Variants in PTPRD observed in about 807,000 individuals in gnomAD.
PTPRD encodes protein tyrosine phosphatase receptor type D.
Under a neutral mutation model 214.5 loss-of-function variants are expected in PTPRD, and 34 were observed. That is an observed-to-expected ratio of 0.16 (90% CI 0.12 to 0.21). PTPRD has a LOEUF of 0.21. Among genes scored for constraint, PTPRD ranks in the 10% least tolerant of loss-of-function variants. PTPRD has a pLI of 1.00. For missense variants in PTPRD, 2,545 were observed against 2,398.7 expected, an observed-to-expected ratio of 1.06 and a Z score of -1.27; for synonymous variants, 1,128 against 845.7, an observed-to-expected ratio of 1.33 and a Z score of -5.79.
intron 2 of PTPRD, among the ~76,000 whole-genome samples, chr9:10,414,287 T>C (rs1456925149): frequency 6.6e-6 from 1 of 151,630 alleles, no homozygotes; most frequent in African/African-American, 2.4e-5. Flanking sequence ...ACAAATTACC[T>C]GAACACTTTT....
chr9:9,313,466 C>A (rs903926015), intron 9 of PTPRD, among the ~76,000 whole-genome samples: 2 of 152,054 alleles, frequency 1.3e-5, no homozygotes, highest in Admixed American at 1.3e-4. Flanking sequence ...GAAACTTGAC[C>A]TCAGAGTTCA....
intron 11 of PTPRD, among the ~76,000 whole-genome samples, chr9:8,889,962 C>T (rs1290447400): frequency 6.6e-6 from 1 of 152,154 alleles, no homozygotes; most frequent in Non-Finnish European, 1.5e-5. Flanking sequence ...TCCTTTTCCT[C>T]TGGGTAGATA....
chr9:9,597,423 C>T lies in PTPRD; in HGVS notation c.-286-22642G>A, dbSNP rs145671664. On this transcript the variant is annotated intron_variant, in intron 7 of 45. Coordinates refer to ENST00000381196, the MANE Select transcript of PTPRD (RefSeq NM_002839.4). ...CCATCGAGGAATAAAGGACCGGTTC[C>T]ACAGATAAGTCATTAAGCTAAAGGA... Among the ~76,000 whole-genome samples the T allele has an allele frequency of 2.5e-4, 38 of 152,040 alleles. No individual in the cohort carries two copies. In the East Asian group the frequency reaches 6.6e-3, roughly 26 times the overall value.
At chr9:9,290,363 G>A (rs62535768) in intron 9 of PTPRD, among the ~76,000 whole-genome samples, 20,992 of 151,540 alleles carry the variant, frequency 0.14, 1,731 homozygotes, top group Middle Eastern at 0.2. Context: ...TTAACGCCTT[G>A]TCATATACAA....
chr9:9,408,515 C>T (rs1445487866), intron 8 of PTPRD, among the ~76,000 whole-genome samples: 2 of 151,778 alleles, frequency 1.3e-5, no homozygotes, highest in Non-Finnish European at 3.0e-5. Context: ...CTCTCACTCT[C>T]AATTAGCGGA....
intron 9 of PTPRD, among the ~76,000 whole-genome samples, chr9:9,329,958 A>G (rs1325435459): frequency 6.6e-6 from 1 of 152,166 alleles, no homozygotes; most frequent in East Asian, 1.9e-4. Context: ...GTCATGGGTA[A>G]GAGAAGGTGG....
intron 8 of PTPRD, among the ~76,000 whole-genome samples, chr9:9,456,273 T>C (rs528704605): frequency 6.6e-6 from 1 of 151,970 alleles, no homozygotes; most frequent in South Asian, 2.1e-4. Context: ...ATCTGATTAT[T>C]GAAAACTACA....
At chr9:8,889,752 G>C (rs1006793979) in intron 11 of PTPRD, among the ~76,000 whole-genome samples, 2 of 152,034 alleles carry the variant, frequency 1.3e-5, no homozygotes, top group African/African-American at 4.8e-5. Flanking sequence ...TTAGAATAAT[G>C]GTCTCTAACT....
At chr9:9,323,112 T>C (rs192114339) in intron 9 of PTPRD, among the ~76,000 whole-genome samples, 51 of 152,248 alleles carry the variant, frequency 3.3e-4, no homozygotes, top group Admixed American at 5.9e-4. Context: ...GGCCAGAATA[T>C]ATCAGAATGA....
At chr9:8,792,536 C>A (rs541962257) in intron 11 of PTPRD, among the ~76,000 whole-genome samples, 1 of 152,258 alleles carries the variant, frequency 6.6e-6, no homozygotes, top group South Asian at 2.1e-4. Context: ...GTGCTGATGA[C>A]TGAAATCTAG....
At chr9:10,034,407 C>CTTTTTTT (rs56827836) in intron 3 of PTPRD, among the ~76,000 whole-genome samples, 1 of 89,542 alleles carries the variant, frequency 1.1e-5, no homozygotes, top group South Asian at 3.9e-4. Flanking sequence ...CCTGGCTCTA[C>CTTTTTTT]TTTTTTTTTT....
chr9:9,562,878 A>T (rs1010662112), intron 8 of PTPRD, among the ~76,000 whole-genome samples: 2 of 152,012 alleles, frequency 1.3e-5, no homozygotes, highest in South Asian at 4.1e-4. Context: ...TTCTATCACC[A>T]TCTCTCCACA....
chr9:9,084,834 T>A (rs1329069533), intron 10 of PTPRD, among the ~76,000 whole-genome samples: 2 of 152,154 alleles, frequency 1.3e-5, no homozygotes, highest in Non-Finnish European at 2.9e-5. Context: ...TCCAAACAGA[T>A]CTCTACATTT....
chr9:8,830,367 A>G (rs1428025238), intron 11 of PTPRD, among the ~76,000 whole-genome samples: 3 of 152,176 alleles, frequency 2.0e-5, no homozygotes, highest in Non-Finnish European at 4.4e-5. Context: ...AAGGATTAAA[A>G]GATATGAGAT....
intron 5 of PTPRD, among the ~76,000 whole-genome samples, chr9:9,781,795 A>ATG (rs142718064): frequency 2.0e-5 from 3 of 147,334 alleles, no homozygotes; most frequent in Admixed American, 6.7e-5. Flanking sequence ...GTCTGGACTC[A>ATG]TATTTTTTTT....
chr9:10,305,401 A>G lies in PTPRD; in HGVS notation c.-545+35562T>C, dbSNP rs540097296. 5.7e-4 allele frequency among the ~76,000 whole-genome samples: 85 copies of G among 149,380 alleles called. 1 individual carries two copies. In the East Asian group the frequency reaches 0.014, roughly 25 times the overall value. ...GCAATGGCAAAAAAAAAAAAAAAAAAAAGCCAAAATTGACAAATGGGATCT... is the reference window on the plus strand; with the variant it reads ...GCAATGGCAAAAAAAAAAAAAAAAAGAAGCCAAAATTGACAAATGGGATCT... On this transcript the variant is annotated intron_variant, in intron 3 of 45. Coordinates refer to ENST00000381196, the MANE Select transcript of PTPRD (RefSeq NM_002839.4).
intron 10 of PTPRD, among the ~76,000 whole-genome samples, chr9:9,179,761 T>A (rs1269943973): frequency 1.3e-5 from 2 of 152,028 alleles, no homozygotes; most frequent in South Asian, 2.1e-4. Context: ...GGAACCACCT[T>A]GAAATAAAAT....
At position 8,527,329 on chromosome 9, in the gene PTPRD, A is replaced by C. The variant is rs1305684080; in HGVS notation, c.550+16T>G. 1 of 1,606,510 alleles carries C rather than the reference A, an allele frequency of 6.2e-7. No individual in the cohort carries two copies. The highest frequency in any genetic ancestry group is 8.5e-7 in the Non-Finnish European group (1 of 1,176,280). On this transcript the variant is annotated intron_variant, in intron 16 of 45. Coordinates refer to ENST00000381196, the MANE Select transcript of PTPRD (RefSeq NM_002839.4). The stretch of plus-strand genomic sequence containing the variant: ...AATTAGTGGGGTTGAAGTGCGCTTC[A>C]GAACTAAGCACTTACCAATAGATTC...
intron 10 of PTPRD, among the ~76,000 whole-genome samples, chr9:9,061,903 T>C (rs2099708199): frequency 6.6e-6 from 1 of 151,936 alleles, no homozygotes; most frequent in South Asian, 2.1e-4. Context: ...CCCTGGCAAG[T>C]TCAAAGAAAA....
Sources: allele counts gnomAD v4.1 joint callset (sites outside exome capture counted in the v4.1 genomes callset), GRCh38; gene constraint gnomAD v4.1.1; transcripts MANE v1.5; gene names NCBI Gene and HGNC (gene_info 2026-07-23, HGNC 2026-07-21).